Variants in LPP observed in about 807,000 individuals in gnomAD.
The protein encoded by LPP is lipoma-preferred partner.
Under a neutral mutation model 60.4 loss-of-function variants are expected in LPP, and 38 were observed. The ratio of observed to expected loss-of-function variants is 0.63; its 90% CI spans 0.49 to 0.83. The LOEUF is 0.83. Among genes scored for constraint, LPP ranks in the 40% least tolerant of loss-of-function variants. The pLI, the probability that LPP is intolerant of heterozygous loss-of-function variation, is 0.00. For missense variants in LPP, 902 were observed against 783.6 expected (o/e 1.15, Z -1.80); for synonymous variants, 328 against 290.8 (o/e 1.13, Z -1.30).
At chr3:188,340,885 A>G (rs559313161) in intron 2 of LPP, among the ~76,000 whole-genome samples, 1 of 152,254 alleles carries the variant, frequency 6.6e-6, no homozygotes, top group East Asian at 1.9e-4. Flanking sequence ...ATAAATGTGG[A>G]TTTATGGGAA....
In LPP at chr3:188,288,386, C is replaced by A. The variant is rs549468534; in HGVS notation, c.-66-53277C>A. Among the ~76,000 whole-genome samples the A allele has an allele frequency of 2.6e-5, 4 of 152,150 alleles. No individual in the cohort carries two copies. The East Asian group carries it at 5.8e-4, about 22-fold the overall frequency. On this transcript the variant is annotated intron_variant, in intron 2 of 11. Coordinates refer to ENST00000617246, the MANE Select transcript of LPP (RefSeq NM_001375462.1). Reference sequence around the variant, plus strand: ...CTCGTTTGTTGCTCAAACCTCACACCAGTCCCGTGAGGTCTCCATTCTTAG... The same window carrying A: ...CTCGTTTGTTGCTCAAACCTCACACAAGTCCCGTGAGGTCTCCATTCTTAG...
At chr3:188,301,848 T>C (rs1749969920) in intron 2 of LPP, among the ~76,000 whole-genome samples, 1 of 151,810 alleles carries the variant, frequency 6.6e-6, no homozygotes, top group South Asian at 2.1e-4. Flanking sequence ...TTAAAGACAG[T>C]ATTTTGCCAT....
chr3:188,206,973 G>T (rs1279532242), intron 1 of LPP, among the ~76,000 whole-genome samples: 2 of 152,074 alleles, frequency 1.3e-5, no homozygotes, highest in African/African-American at 2.4e-5. Context: ...TTATGATTTG[G>T]CAGCGAGGAG....
intron 3 of LPP, among the ~76,000 whole-genome samples, chr3:188,381,455 A>C (rs1776860144): frequency 6.6e-6 from 1 of 152,106 alleles, no homozygotes; most frequent in Non-Finnish European, 1.5e-5. Flanking sequence ...ACTAAAATGG[A>C]CTGTCCAGCT....
chr3:188,471,821 G>A (rs1801919663), intron 4 of LPP, among the ~76,000 whole-genome samples: 1 of 152,160 alleles, frequency 6.6e-6, no homozygotes, highest in Non-Finnish European at 1.5e-5. Flanking sequence ...CCAGATACTG[G>A]GAAGCAGTTG....
rs112718492 is a variant in LPP at position 188,374,478 on chromosome 3, C to T, written c.-9-31634C>T. On this transcript the variant is annotated intron_variant, in intron 3 of 11. Coordinates refer to ENST00000617246, the MANE Select transcript of LPP (RefSeq NM_001375462.1). ...TTATTCTCTTTGAAGCAATTGTGAA[C>T]GGGAGTTCACTCATGATTTGGCTCT... Among the ~76,000 whole-genome samples the T allele has an allele frequency of 7.7e-4, 117 of 152,050 alleles. 1 individual carries two copies. Among genetic ancestry groups the T allele is most frequent in the East Asian group, 5.2e-3 (27 of 5,166 alleles).
chr3:188,682,779 G>A (rs1025177275), intron 7 of LPP, among the ~76,000 whole-genome samples: 2 of 152,142 alleles, frequency 1.3e-5, no homozygotes, highest in South Asian at 2.1e-4. Context: ...CGGAAGCCAG[G>A]CACCACATGC....
intron 2 of LPP, among the ~76,000 whole-genome samples, chr3:188,242,272 G>C (rs1725219781): frequency 1.3e-5 from 2 of 152,144 alleles, no homozygotes; most frequent in African/African-American, 2.4e-5. Context: ...CTAACTTATA[G>C]GTAAAAGCCT....
At chr3:188,262,115 G>A (rs1017799605) in intron 2 of LPP, among the ~76,000 whole-genome samples, 2 of 152,132 alleles carry the variant, frequency 1.3e-5, no homozygotes, top group Non-Finnish European at 2.9e-5. Flanking sequence ...GGTGGGAAGA[G>A]GACACATCTA....
intron 5 of LPP, among the ~76,000 whole-genome samples, chr3:188,488,143 T>G (rs2149712763): frequency 6.6e-6 from 1 of 152,198 alleles, no homozygotes; most frequent in East Asian, 1.9e-4. Flanking sequence ...TTCTTCCTGC[T>G]GTCCCAGATG....
intron 2 of LPP, among the ~76,000 whole-genome samples, chr3:188,233,664 A>G (rs1194164840): frequency 6.6e-6 from 1 of 152,200 alleles, no homozygotes; most frequent in Non-Finnish European, 1.5e-5. Context: ...TTCCTGTAAT[A>G]CAGTTTATAG....
rs900779119 is a variant in LPP, at chr3:188,609,350, C to T, written c.619C>T (p.Pro207Ser). 8 of 1,614,132 alleles carry T rather than the reference C, an allele frequency of 5.0e-6. No homozygotes were observed. The highest frequency in any genetic ancestry group is 6.8e-6 in the Non-Finnish European group (8 of 1,180,040). ...GTLKPQPQPVPASYTTASTSS... is the reference protein window; with the variant it reads ...GTLKPQPQPVSASYTTASTSS... ...ACTCAAACCCCAGCCTCAGCCAGTC[C>T]CAGCCTCCTACACCACGGCCTCCAC... Residue 207 changes from proline to serine, a missense_variant, in exon 7 of 12, where the codon CCA becomes TCA. Coordinates refer to ENST00000617246, the MANE Select transcript of LPP (RefSeq NM_001375462.1). The surrounding 1 kb of genome is among the most constrained non-coding windows in gnomAD (Gnocchi z 6.9).
intron 1 of LPP, among the ~76,000 whole-genome samples, chr3:188,156,027 AAAC>A (rs997884463): frequency 6.6e-6 from 1 of 152,062 alleles, no homozygotes; most frequent in African/African-American, 2.4e-5. Flanking sequence ...AAAAAACAAA[AAAC>A]AACAACAACA....
chr3:188,715,864 C>G (rs1281760657), intron 8 of LPP, among the ~76,000 whole-genome samples: 1 of 152,196 alleles, frequency 6.6e-6, no homozygotes, highest in Non-Finnish European at 1.5e-5. Context: ...GAAGGCAACA[C>G]TGTTGGAAGA....
intron 9 of LPP, among the ~76,000 whole-genome samples, chr3:188,760,551 A>AGATG (rs1560169080): frequency 6.6e-6 from 1 of 152,156 alleles, no homozygotes; most frequent in Admixed American, 6.5e-5. Context: ...TCTGCTGGGA[A>AGATG]GATCATCAGC....
intron 2 of LPP, chr3:188,247,111 C>CAT: frequency 1.1e-6 from 1 of 911,948 alleles, no homozygotes; most frequent in Non-Finnish European, 1.3e-6. Context: ...TCACTTGACC[C>CAT]ATCTGTGAAA....
intron 9 of LPP, among the ~76,000 whole-genome samples, chr3:188,817,890 G>A (rs1275972915): frequency 1.3e-5 from 2 of 152,170 alleles, no homozygotes; most frequent in South Asian, 2.1e-4. Flanking sequence ...AAGAGTTTAC[G>A]TTTTTGTTCT....
chr3:188,240,201 T>C (rs1410581901), intron 2 of LPP: 1 of 180,142 alleles, frequency 5.6e-6, no homozygotes, highest in East Asian at 9.2e-5. Context: ...GTGTTTCATT[T>C]TCCTTTCATA....
At chr3:188,173,648 G>A (rs917524248) in intron 1 of LPP, among the ~76,000 whole-genome samples, 1 of 152,104 alleles carries the variant, frequency 6.6e-6, no homozygotes, top group Non-Finnish European at 1.5e-5. Flanking sequence ...GGATGAAGTC[G>A]AGCAGGATGG....
Sources: allele counts gnomAD v4.1 joint callset (sites outside exome capture counted in the v4.1 genomes callset), GRCh38; gene constraint gnomAD v4.1.1; non-coding constraint Gnocchi (gnomAD v3.1); transcripts MANE v1.5; gene names NCBI Gene and HGNC (gene_info 2026-07-23, HGNC 2026-07-21).